Variants in EEF2K observed in about 807,000 individuals in gnomAD.
The protein encoded by EEF2K is alternative protein EEF2K.
In EEF2K, 70 loss-of-function variants were observed where a neutral mutation model predicts 93.8. That is an observed-to-expected ratio of 0.75 (90% CI 0.62 to 0.91). The LOEUF (loss-of-function observed/expected upper bound fraction) is 0.91, where lower values mean the gene tolerates loss of function less well. EEF2K is among the 40% of genes least tolerant of loss of function. The pLI is 0.00. For missense variants in EEF2K, 935 were observed against 972.9 expected, an observed-to-expected ratio of 0.96 and a Z score of 0.52; for synonymous variants, 376 against 380.8, an observed-to-expected ratio of 0.99 and a Z score of 0.15.
chr16:22,258,634 C>T lies in EEF2K; in HGVS notation c.1170C>T (p.Phe390=), dbSNP rs148711774. 496 of 1,614,166 alleles carry T rather than the reference C, an allele frequency of 3.1e-4. No individual in the cohort carries two copies. The highest frequency in any genetic ancestry group is 1.3e-3 in the African/African-American group (94 of 75,052). The change falls in exon 10 of 18, where the codon TTC becomes TTT. Residue 390 remains phenylalanine, a synonymous_variant. Coordinates refer to ENST00000263026, the MANE Select transcript of EEF2K (RefSeq NM_013302.5). The part of the protein sequence containing the change: ...SGDENMSDVT[F]DSLPSSPSSA... ...ACGAGAACATGAGCGACGTGACCTT[C>T]GACTCTCTCCCTTCTTCCCCATCTT...
At position 22,266,439 on chromosome 16, in the gene EEF2K, C is replaced by A. The variant is rs1196405991; in HGVS notation, c.1490C>A (p.Pro497Gln). The A allele has an allele frequency of 6.2e-7, 1 of 1,614,074 alleles. No homozygotes were observed. The highest frequency in any genetic ancestry group is 1.3e-5 in the African/African-American group (1 of 74,936). The change falls in exon 14 of 18, where the codon CCG becomes CAG. Residue 497 changes from proline (P) to glutamine (Q), a missense_variant. Coordinates refer to ENST00000263026, the MANE Select transcript of EEF2K (RefSeq NM_013302.5). ...CTCAACTCCTCCCGCCTCCACCTGC[C>A]GAGGGCTTCGGCCGTGGCCCTGGAA... is the stretch of plus-strand genomic sequence containing the variant. The part of the protein sequence containing the change: ...NLLNSSRLHL[P>Q]RASAVALEVQ...
chr16:22,258,302 G>A (rs1367092851), intron 9 of EEF2K, among the ~76,000 whole-genome samples, 192 bp from the exon 10 acceptor site: 1 of 152,074 alleles, frequency 6.6e-6, no homozygotes, highest in Admixed American at 6.6e-5. Context: ...TGTTCCAGAT[G>A]CCCTTTCTTG....
chr16:22,266,446 T>A lies in EEF2K; in HGVS notation c.1497T>A (p.Ala499=), dbSNP rs1041817152. 6.8e-6 allele frequency: 11 copies of A among 1,614,172 alleles called. No homozygotes were observed. The highest frequency in any genetic ancestry group is 8.5e-6 in the Non-Finnish European group (10 of 1,180,030). ...LNSSRLHLPR[A]SAVALEVQRL... is the part of the protein sequence containing the mutation. ...CCTCCCGCCTCCACCTGCCGAGGGCTTCGGCCGTGGCCCTGGAAGTGCAAA... is the reference window on the plus strand; with the variant it reads ...CCTCCCGCCTCCACCTGCCGAGGGCATCGGCCGTGGCCCTGGAAGTGCAAA... The change falls in exon 14 of 18, where the codon GCT becomes GCA. Residue 499 remains alanine, a synonymous_variant. Transcript: ENST00000263026.
At position 22,263,210 on chromosome 16, in the gene EEF2K, G is replaced by C. The variant is rs769163849; in HGVS notation, c.1377+23G>C. On this transcript the variant is annotated intron_variant, in intron 12 of 17. Transcript: ENST00000263026. ...CATGTAAGGAACCCCCAGGAAATGA[G>C]ACCGGTGTCACCTGTTGCCTTGTTT... 3.1e-6 allele frequency: 5 copies of C among 1,602,816 alleles called. No homozygotes were observed. In the South Asian group the frequency reaches 5.6e-5, roughly 18 times the overall value.
At chr16:22,209,824 G>C (rs1230078347) in intron 1 of EEF2K, among the ~76,000 whole-genome samples, 2 of 152,196 alleles carry the variant, frequency 1.3e-5, no homozygotes, top group African/African-American at 4.8e-5. Context: ...ACAGGGTCTT[G>C]CTCTGTCACC....
At chr16:22,251,913 C>T (rs2047356049) in intron 6 of EEF2K, among the ~76,000 whole-genome samples, 1 of 152,100 alleles carries the variant, frequency 6.6e-6, no homozygotes, top group Admixed American at 6.6e-5. Context: ...CCCAGCTTGG[C>T]CTCCTGAGTA....
intron 2 of EEF2K, among the ~76,000 whole-genome samples, chr16:22,241,104 G>T (rs1244535628): frequency 3.9e-5 from 6 of 152,060 alleles, no homozygotes; most frequent in Non-Finnish European, 8.8e-5. Flanking sequence ...GTTCACAGAG[G>T]CATAGGAAAA....
chr16:22,217,657 T>G lies in EEF2K; in HGVS notation c.-76-7997T>G, dbSNP rs540935773. Among the ~76,000 whole-genome samples the G allele has an allele frequency of 1.1e-4, 17 of 152,320 alleles. No individual in the cohort carries two copies. The East Asian group carries it at 3.3e-3, about 29-fold the overall frequency. The stretch of plus-strand genomic sequence containing the variant: ...TAGTAGAGACGGGGTTTCACCATGT[T>G]GGCCAGGCTGGTCTCGAACTCCCGA... On this transcript the variant is annotated intron_variant, in intron 1 of 17. Transcript: ENST00000263026.
intron 1 of EEF2K, 29 bp from the exon 2 acceptor site, chr16:22,225,625 C>T (rs902650320): frequency 4.0e-6 from 6 of 1,515,730 alleles, no homozygotes; most frequent in Non-Finnish European, 5.3e-6. Context: ...GCCCCAGCAC[C>T]CACTCTCTGG....
At position 22,283,975 on chromosome 16, in the gene EEF2K, C is replaced by T. The variant is rs1281504688; in HGVS notation, c.2157C>T (p.Ala719=). ...ANQYYQKAEE[A]WAQMEE is the part of the protein sequence containing the mutation. ...AGTACTACCAAAAGGCTGAAGAGGC[C>T]TGGGCCCAGATGGAGGAGTAACCAG... The change falls in exon 18 of 18, where the codon GCC becomes GCT. Residue 719 remains alanine, a synonymous_variant. Coordinates refer to ENST00000263026, the MANE Select transcript of EEF2K (RefSeq NM_013302.5). The T allele has an allele frequency of 6.3e-7, 1 of 1,584,578 alleles. No individual in the cohort carries two copies.
chr16:22,263,869 G>A (rs2047490553), intron 12 of EEF2K, among the ~76,000 whole-genome samples: 1 of 152,152 alleles, frequency 6.6e-6, no homozygotes. Flanking sequence ...TAGCCTCCCA[G>A]CAGCATCCTG....
chr16:22,242,067 CAGG>C (rs954387213), intron 2 of EEF2K, among the ~76,000 whole-genome samples: 6 of 152,060 alleles, frequency 3.9e-5, no homozygotes, highest in African/African-American at 1.2e-4. Flanking sequence ...CGCTTGAGCC[CAGG>C]AGTTTTGAGG....
At chr16:22,232,652 C>A (rs2047127626) in intron 2 of EEF2K, among the ~76,000 whole-genome samples, 1 of 152,178 alleles carries the variant, frequency 6.6e-6, no homozygotes, top group African/African-American at 2.4e-5. Context: ...CAGCACCTGA[C>A]TGCAAGAGTA....
At chr16:22,248,393 G>A (rs933494177) in intron 3 of EEF2K, among the ~76,000 whole-genome samples, 1 of 151,974 alleles carries the variant, frequency 6.6e-6, no homozygotes, top group South Asian at 2.1e-4. Context: ...CACACACACT[G>A]GGTCCTGGTG....
chr16:22,248,322 C>T (rs893475689), intron 3 of EEF2K, among the ~76,000 whole-genome samples: 7 of 152,256 alleles, frequency 4.6e-5, no homozygotes, highest in African/African-American at 1.4e-4. Context: ...CCCAGCCTCC[C>T]AAAGTGCTGG....
chr16:22,280,229 T>C lies in EEF2K; in HGVS notation c.1921T>C (p.Tyr641His). The change falls in exon 17 of 18, where the codon TAC becomes CAC. Residue 641 changes from tyrosine to histidine, a missense_variant. Transcript: ENST00000263026. ...AGACTGGCTAGAGGCCCTGCACTGG[T>C]ACAACACTGCCCTGGAGATGACGGA... ...CQDWLEALHW[Y>H]NTALEMTDCD... The C allele has an allele frequency of 6.3e-7, 1 of 1,584,506 alleles. No individual in the cohort carries two copies. The highest frequency in any genetic ancestry group is 1.4e-5 in the African/African-American group (1 of 73,438).
At position 22,266,700 on chromosome 16, in the gene EEF2K, A is replaced by G. The variant is rs763478773; in HGVS notation, c.1588A>G (p.Met530Val). 15 of 1,609,824 alleles carry G rather than the reference A, an allele frequency of 9.3e-6. No homozygotes were observed. In the African/African-American group the frequency reaches 1.7e-4, roughly 19 times the overall value. ...KSILGKVHLA[M>V]VRYHEGGRFC... ...GTCTGTGTGGCAGGTCCATCTGGCC[A>G]TGGTGCGCTACCACGAGGGTGGGCG... Residue 530 changes from methionine (M) to valine (V), a missense_variant, in exon 15 of 18, where the codon ATG becomes GTG. Met to Val is a conservative substitution (Grantham distance 21). Coordinates refer to ENST00000263026, the MANE Select transcript of EEF2K (RefSeq NM_013302.5).
chr16:22,259,778 T>C (rs1411350754), intron 10 of EEF2K, among the ~76,000 whole-genome samples: 2 of 151,758 alleles, frequency 1.3e-5, no homozygotes, highest in African/African-American at 4.8e-5. Context: ...TGAGACGGAA[T>C]CTCTCTCTCT....
intron 2 of EEF2K, among the ~76,000 whole-genome samples, chr16:22,231,130 C>G (rs995579515): frequency 6.6e-6 from 1 of 151,796 alleles, no homozygotes; most frequent in African/African-American, 2.4e-5. Context: ...GCTCCATCAC[C>G]CAGGCTGGAG....
Sources: allele counts gnomAD v4.1 joint callset (sites outside exome capture counted in the v4.1 genomes callset), GRCh38; gene constraint gnomAD v4.1.1; transcripts MANE v1.5; gene names NCBI Gene and HGNC (gene_info 2026-07-23, HGNC 2026-07-21).